Variants in NCKAP5 observed in about 807,000 individuals in gnomAD.
NCKAP5 encodes the protein nck-associated protein 5.
Under a neutral mutation model 167.0 loss-of-function variants are expected in NCKAP5, and 92 were observed. The ratio of observed to expected loss-of-function variants is 0.55; its 90% CI spans 0.47 to 0.66. The LOEUF is 0.66. NCKAP5 is among the 30% of genes least tolerant of loss of function. The pLI, the probability that NCKAP5 is intolerant of heterozygous loss-of-function variation, is 0.00. For missense variants in NCKAP5, 2,378 were observed against 2,315.0 expected, an observed-to-expected ratio of 1.03 and a Z score of -0.56; for synonymous variants, 891 against 877.4, an observed-to-expected ratio of 1.02 and a Z score of -0.27.
At chr2:133,426,384 T>TA (rs141816071) in intron 3 of NCKAP5, among the ~76,000 whole-genome samples, 27,855 of 116,044 alleles carry the variant, frequency 0.24, 2,755 homozygotes, top group Middle Eastern at 0.32. Context: ...TGCTTTTATT[T>TA]AAAAAAAAAA....
intron 6 of NCKAP5, among the ~76,000 whole-genome samples, chr2:133,056,113 T>C (rs1027100352): frequency 6.6e-6 from 1 of 152,188 alleles, no homozygotes; most frequent in Non-Finnish European, 1.5e-5. Flanking sequence ...TTCCGTCTGA[T>C]GTGGATTATT....
At chr2:133,012,293 G>A (rs1364929820) in intron 6 of NCKAP5, among the ~76,000 whole-genome samples, 3 of 152,106 alleles carry the variant, frequency 2.0e-5, no homozygotes, top group African/African-American at 7.2e-5. Context: ...TGTCACCCAG[G>A]CTGGAGGGCA....
intron 3 of NCKAP5, among the ~76,000 whole-genome samples, chr2:133,465,581 C>T (rs1309356737): frequency 6.6e-6 from 1 of 152,168 alleles, no homozygotes; most frequent in Admixed American, 6.5e-5. Context: ...GAGGAATTGC[C>T]ATACTGACTT....
At chr2:133,408,179 G>C (rs572468174) in intron 3 of NCKAP5, among the ~76,000 whole-genome samples, 143 of 152,262 alleles carry the variant, frequency 9.4e-4, no homozygotes, top group Middle Eastern at 6.8e-3. Context: ...CAAACCATCT[G>C]ATTGAAGGCA....
intron 6 of NCKAP5, among the ~76,000 whole-genome samples, chr2:133,062,676 G>A (rs1277988946): frequency 6.6e-6 from 1 of 152,106 alleles, no homozygotes; most frequent in Non-Finnish European, 1.5e-5. Flanking sequence ...TAATAGCAGG[G>A]TTATAGATTT....
intron 10 of NCKAP5, among the ~76,000 whole-genome samples, chr2:132,866,521 G>A (rs1019722164): frequency 6.6e-6 from 1 of 152,084 alleles, no homozygotes; most frequent in Non-Finnish European, 1.5e-5. Context: ...ATTACTTGAC[G>A]AGGTACACTG....
At chr2:133,120,712 A>G (rs1222086372) in intron 6 of NCKAP5, among the ~76,000 whole-genome samples, 1 of 152,204 alleles carries the variant, frequency 6.6e-6, no homozygotes, top group Non-Finnish European at 1.5e-5. Flanking sequence ...ACAGAAGCCC[A>G]GAGATGAGAA....
intron 19 of NCKAP5, among the ~76,000 whole-genome samples, chr2:132,692,965 T>G (rs575598022): frequency 2.6e-5 from 4 of 152,354 alleles, no homozygotes; most frequent in African/African-American, 7.2e-5. Flanking sequence ...TTTGTTCATT[T>G]TAATCATAAA....
intron 3 of NCKAP5, among the ~76,000 whole-genome samples, chr2:133,477,260 C>T (rs1040397133): frequency 6.6e-6 from 1 of 152,206 alleles, no homozygotes; most frequent in Admixed American, 6.5e-5. Flanking sequence ...CTGCCTTCAT[C>T]AGAGCTGGTT....
chr2:132,673,042 T>G lies in NCKAP5; in HGVS notation c.*247A>C. On this transcript the variant is annotated 3_prime_UTR_variant, in exon 20 of 20. Coordinates refer to ENST00000409261, the MANE Select transcript of NCKAP5 (RefSeq NM_207363.3). ...ATGTCCTTTATACATCATTTGAACC[T>G]TGACTGGCACAGGAAGAGAAGCTAT... 53 of 1,044,432 alleles carry G rather than the reference T, an allele frequency of 5.1e-5. No individual in the cohort carries two copies. Among genetic ancestry groups the G allele is most frequent in the Non-Finnish European group, 6.1e-5 (53 of 872,672 alleles). The allele number at this position is 1,044,432 out of a possible 1,614,324, so 64.7% of individuals were successfully genotyped here. A position where few individuals can be genotyped will look rare whatever the true frequency, so the allele number is the denominator to read the frequency against.
At chr2:132,963,907 A>G in intron 7 of NCKAP5, 38 bp from the exon 8 acceptor site, 1 of 1,609,166 alleles carries the variant, frequency 6.2e-7, no homozygotes, top group Non-Finnish European at 8.5e-7. Context: ...AATAATCTCC[A>G]GTGAAAAATA....
intron 5 of NCKAP5, among the ~76,000 whole-genome samples, chr2:133,195,102 G>T (rs1410709368): frequency 6.6e-6 from 1 of 151,978 alleles, no homozygotes; most frequent in Non-Finnish European, 1.5e-5. Context: ...CATCTCAGAA[G>T]CAGTAACCAA....
chr2:132,898,777 A>G (rs912589719), intron 8 of NCKAP5, among the ~76,000 whole-genome samples: 1 of 152,206 alleles, frequency 6.6e-6, no homozygotes, highest in Non-Finnish European at 1.5e-5. Flanking sequence ...TCAAAAGTAG[A>G]CTTATTAGTA....
chr2:132,844,962 A>G (rs1426603756), intron 11 of NCKAP5, among the ~76,000 whole-genome samples: 9 of 152,176 alleles, frequency 5.9e-5, no homozygotes, highest in Non-Finnish European at 8.8e-5. Flanking sequence ...TTCAAAATGT[A>G]TTATAAAGTC....
intron 8 of NCKAP5, among the ~76,000 whole-genome samples, chr2:132,879,592 G>C (rs1691591065): frequency 1.3e-5 from 2 of 152,174 alleles, no homozygotes; most frequent in Non-Finnish European, 2.9e-5. Flanking sequence ...GAAGGAGCGT[G>C]AAATGCTGAT....
chr2:133,168,216 C>T (rs1559217320), intron 5 of NCKAP5, among the ~76,000 whole-genome samples: 2 of 151,802 alleles, frequency 1.3e-5, no homozygotes, highest in Admixed American at 6.6e-5. Context: ...CACTACCTTA[C>T]GAATCCACAT....
At position 132,697,709 on chromosome 2, in the gene NCKAP5, G is replaced by A. The variant is rs1687480437; in HGVS notation, c.5714-24404C>T. On this transcript the variant is annotated intron_variant, in intron 19 of 19. Transcript: ENST00000409261. The stretch of plus-strand genomic sequence containing the variant: ...TGTTTTCCAGACTATAGAAAACTGG[G>A]AAATGAATTTTCTTTCAAATAAAAG... 2.6e-5 allele frequency among the ~76,000 whole-genome samples: 4 copies of A among 152,008 alleles called. No individual in the cohort carries two copies. In the South Asian group the frequency reaches 8.3e-4, roughly 31 times the overall value.
At chr2:133,269,771 C>G (rs1163693546) in intron 4 of NCKAP5, among the ~76,000 whole-genome samples, 2 of 152,116 alleles carry the variant, frequency 1.3e-5, no homozygotes, top group African/African-American at 4.8e-5. Context: ...ATTATAGGAG[C>G]AGAGAAGGGA....
At chr2:133,400,151 T>A (rs956342444) in intron 3 of NCKAP5, among the ~76,000 whole-genome samples, 14 of 152,302 alleles carry the variant, frequency 9.2e-5, no homozygotes, top group African/African-American at 3.1e-4. Context: ...TACAGATTTA[T>A]GCATAAAATA....
Sources: allele counts gnomAD v4.1 joint callset (sites outside exome capture counted in the v4.1 genomes callset), GRCh38; gene constraint gnomAD v4.1.1; transcripts MANE v1.5; gene names NCBI Gene and HGNC (gene_info 2026-07-23, HGNC 2026-07-21).